The following CCDC171 variants were observed in gnomAD, a reference collection of about 807,000 sequenced individuals.
The protein encoded by CCDC171 is coiled-coil domain containing 171.
Under a neutral mutation model 168.2 loss-of-function variants are expected in CCDC171, and 177 were observed. The ratio of observed to expected loss-of-function variants is 1.05; its 90% confidence interval spans 0.93 to 1.19. CCDC171 has a LOEUF of 1.19. Among genes scored for constraint, CCDC171 ranks in the 50% most tolerant of loss-of-function variants. The pLI is 0.00. For missense variants in CCDC171, 1,991 were observed against 1,539.0 expected, an observed-to-expected ratio of 1.29 and a Z score of -4.91; for synonymous variants, 687 against 540.8, an observed-to-expected ratio of 1.27 and a Z score of -3.75.
Position 15,583,222 on chromosome 9 carries a change from C to T in CCDC171, c.352+4199C>T, listed in dbSNP as rs557983478. 2.3e-3 allele frequency among the ~76,000 whole-genome samples: 344 copies of T among 152,126 alleles called. 2 individuals carry two copies. The highest frequency in any genetic ancestry group is 8.0e-3 in the African/African-American group (332 of 41,502). On this transcript the variant is annotated intron_variant, in intron 4 of 25. Coordinates refer to ENST00000380701, the MANE Select transcript of CCDC171 (RefSeq NM_173550.4). ...ACCAGGTCAAGAGATTGAGACCATCCTGGCCAAGGTGGTGGAACCCCGTCT... is the reference window on the plus strand; with the variant it reads ...ACCAGGTCAAGAGATTGAGACCATCTTGGCCAAGGTGGTGGAACCCCGTCT...
chr9:15,685,848 C>T (rs572311010), intron 10 of CCDC171, among the ~76,000 whole-genome samples: 1 of 151,978 alleles, frequency 6.6e-6, no homozygotes, highest in Non-Finnish European at 1.5e-5. Flanking sequence ...AGACTATTAG[C>T]CAGACATCTC....
At chr9:15,677,926 A>ATAAAG (rs1554754419) in intron 9 of CCDC171, among the ~76,000 whole-genome samples, 1 of 28,238 alleles carries the variant, frequency 3.5e-5, no homozygotes, top group Non-Finnish European at 5.7e-5. Flanking sequence ...ATATATATAT[A>ATAAAG]AGAGATGTGG....
intron 4 of CCDC171, among the ~76,000 whole-genome samples, chr9:15,579,882 G>A (rs912594555): frequency 6.6e-6 from 1 of 152,102 alleles, no homozygotes; most frequent in Admixed American, 6.5e-5. Context: ...CATTTGAGTA[G>A]TGTCCAATTT....
chr9:15,596,466 A>G (rs376416242), intron 6 of CCDC171, among the ~76,000 whole-genome samples: 22 of 152,160 alleles, frequency 1.4e-4, no homozygotes, highest in African/African-American at 4.1e-4. Context: ...GATGTGTGCT[A>G]TTATTTCTGA....
At chr9:15,603,063 C>T (rs1237034395) in intron 6 of CCDC171, among the ~76,000 whole-genome samples, 1 of 151,924 alleles carries the variant, frequency 6.6e-6, no homozygotes, top group East Asian at 1.9e-4. Flanking sequence ...CTCACTGCAA[C>T]CTCCACCTCC....
In CCDC171 at chr9:15,972,168, C is replaced by G. The variant is rs1397248339; in HGVS notation, c.*332C>G. On this transcript the variant is annotated 3_prime_UTR_variant, in exon 26 of 26. Transcript: ENST00000380701. The stretch of plus-strand genomic sequence containing the variant: ...CTCTATCTATCAAAGTTGTTTCATA[C>G]TTGTCTATTTTAAAGCAGGACTGCA... The G allele has an allele frequency of 3.8e-6, 1 of 263,786 alleles. No individual in the cohort carries two copies. The highest frequency in any genetic ancestry group is 9.4e-5 in the East Asian group (1 of 10,584). 16.3% of individuals were successfully genotyped at this position (263,786 alleles called of 1,614,324 possible).
intron 6 of CCDC171, among the ~76,000 whole-genome samples, chr9:15,617,204 T>C (rs968504783): frequency 1.3e-5 from 2 of 152,152 alleles, no homozygotes; most frequent in African/African-American, 4.8e-5. Flanking sequence ...TCAATCTCAT[T>C]CTCTGTTCAG....
At chr9:15,666,029 T>A (rs2048709113) in intron 8 of CCDC171, 134 bp from the exon 9 acceptor site, 2 of 722,696 alleles carry the variant, frequency 2.8e-6, no homozygotes, top group Non-Finnish European at 4.4e-6. Context: ...TTTATTTTTC[T>A]TTTTTAAGCC....
At chr9:15,738,608 G>A (rs184176215) in intron 16 of CCDC171, among the ~76,000 whole-genome samples, 3 of 151,922 alleles carry the variant, frequency 2.0e-5, no homozygotes, top group African/African-American at 4.8e-5. Context: ...CTCCTTGGGT[G>A]GAAAACATTC....
rs1824311812 is a variant in CCDC171 at position 15,915,101 on chromosome 9, C to CT, written c.3601-5169_3601-5168insT. ...GAGCTGTTCCTATTCAGACATCTTGCCAGGAATCCTCTATTTTTGTTTTAT... is the reference window on the plus strand; with the variant it reads ...GAGCTGTTCCTATTCAGACATCTTGCTCAGGAATCCTCTATTTTTGTTTTAT... On this transcript the variant is annotated intron_variant, in intron 24 of 25. Transcript: ENST00000380701. Among the ~76,000 whole-genome samples, 5 of 13,034 alleles carry CT rather than the reference C, an allele frequency of 3.8e-4. No individual in the cohort carries two copies. The South Asian group carries it at 0.023, about 60-fold the overall frequency. 8.6% of individuals were successfully genotyped at this position (13,034 alleles called of 152,430 possible). A position where few individuals can be genotyped will look rare whatever the true frequency, so the allele number is the denominator to read the frequency against.
rs750621956 is a variant in CCDC171 at position 15,971,688 on chromosome 9, T to C, written c.3833T>C (p.Phe1278Ser). 1.9e-5 allele frequency: 31 copies of C among 1,613,808 alleles called. No individual in the cohort carries two copies. The highest frequency in any genetic ancestry group is 2.7e-5 in the African/African-American group (2 of 74,912). The stretch of plus-strand genomic sequence containing the variant: ...GCTGACACAACTGGTATTGGGGATT[T>C]CTTACCATTGAAAGCTGAACTTGAT... ...LPADTTGIGD[F>S]LPLKAELDTT... The change falls in exon 26 of 26, where the codon TTC (phenylalanine) becomes TCC (serine). Residue 1278 changes from phenylalanine to serine, a missense_variant. Phe to Ser is a radical substitution (Grantham distance 155, BLOSUM62 -2). Transcript: ENST00000380701.
chr9:15,631,514 A>T (rs2045695674), intron 7 of CCDC171, among the ~76,000 whole-genome samples: 1 of 152,228 alleles, frequency 6.6e-6, no homozygotes, highest in Non-Finnish European at 1.5e-5. Flanking sequence ...AGGCTCTGAA[A>T]TTGTGGCAAT....
chr9:16,003,678 CT>C (rs1354561574), intron 3 of CCDC171, among the ~76,000 whole-genome samples: 1 of 152,154 alleles, frequency 6.6e-6, no homozygotes, highest in Non-Finnish European at 1.5e-5. Flanking sequence ...GACAATGAAA[CT>C]AATGCTGCTG....
At chr9:15,586,021 G>C (rs1429528959) in intron 4 of CCDC171, among the ~76,000 whole-genome samples, 2 of 151,994 alleles carry the variant, frequency 1.3e-5, no homozygotes, top group Non-Finnish European at 2.9e-5. Flanking sequence ...CTAAAGATTT[G>C]TGCATTCTAC....
intron 21 of CCDC171, among the ~76,000 whole-genome samples, chr9:15,788,487 G>T (rs1052208972): frequency 1.3e-5 from 1 of 75,398 alleles, no homozygotes; most frequent in African/African-American, 4.8e-5. Flanking sequence ...ATCATGAGTA[G>T]AAGATATGGA....
At chr9:15,563,491 C>G (rs371295356) in intron 1 of CCDC171, among the ~76,000 whole-genome samples, 3 of 152,116 alleles carry the variant, frequency 2.0e-5, no homozygotes, top group African/African-American at 4.8e-5. Flanking sequence ...TGGGATAATC[C>G]TTACATTGCA....
At chr9:15,976,413 G>C (rs1831621246), downstream of CCDC171, among the ~76,000 whole-genome samples, 1 of 152,008 alleles carries the variant, frequency 6.6e-6, no homozygotes, top group Admixed American at 6.6e-5. Context: ...GGCCAGCATA[G>C]AGTCACACTC....
At chr9:15,796,335 A>G (rs939715490) in intron 21 of CCDC171, among the ~76,000 whole-genome samples, 3 of 152,180 alleles carry the variant, frequency 2.0e-5, no homozygotes, top group African/African-American at 7.2e-5. Context: ...AAGAGGAAAG[A>G]AAAAGAGAAT....
At chr9:15,978,125 A>C (rs965006900), downstream of CCDC171, among the ~76,000 whole-genome samples, 3 of 152,138 alleles carry the variant, frequency 2.0e-5, no homozygotes, top group African/African-American at 2.4e-5. Context: ...CTGAGGTTTA[A>C]AGACATCAGT....
Sources: allele counts gnomAD v4.1 joint callset (sites outside exome capture counted in the v4.1 genomes callset), GRCh38; gene constraint gnomAD v4.1.1; transcripts MANE v1.5; gene names NCBI Gene and HGNC (gene_info 2026-07-23, HGNC 2026-07-21).